The following NUP214 variants were observed in gnomAD, a reference collection of about 807,000 sequenced individuals.
NUP214 encodes nuclear pore complex protein Nup214.
In NUP214, 79 loss-of-function variants were observed where a neutral mutation model predicts 196.2. That is an observed-to-expected ratio of 0.40 (90% CI 0.34 to 0.49). The LOEUF (loss-of-function observed/expected upper bound fraction) is 0.49. Among genes scored for constraint, NUP214 ranks in the 20% least tolerant of loss-of-function variants. NUP214 has a pLI of 0.58. For synonymous variants in NUP214, 1,020 were observed against 990.5 expected (o/e 1.03, Z -0.56); for missense variants, 2,468 against 2,539.0 (o/e 0.97, Z 0.60).
intron 21 of NUP214, 193 bp downstream of exon 21, chr9:131,164,337 A>T (rs919600931): frequency 1.0e-5 from 6 of 594,692 alleles, no homozygotes; most frequent in Non-Finnish European, 1.8e-5. Context: ...GAATAGTGGA[A>T]TAAGAACCAG....
intron 22 of NUP214, 126 bp downstream of exon 22, chr9:131,174,444 T>TTA: frequency 1.9e-6 from 1 of 540,474 alleles, no homozygotes; most frequent in Non-Finnish European, 2.6e-6. Context: ...TTTTTTTTTT[T>TTA]TTCTTTTTTT....
chr9:131,208,885 C>T (rs182914248), intron 30 of NUP214, among the ~76,000 whole-genome samples: 75 of 142,366 alleles, frequency 5.3e-4, no homozygotes, highest in African/African-American at 1.9e-3. Flanking sequence ...TGGTGAAGCT[C>T]GCCGGTAGTC....
chr9:131,180,944 A>G lies in NUP214; in HGVS notation c.3419+2534A>G, dbSNP rs551993886. Among the ~76,000 whole-genome samples, 5 of 152,342 alleles carry G rather than the reference A, an allele frequency of 3.3e-5. No homozygotes were observed. The South Asian group carries it at 1.0e-3, about 32-fold the overall frequency. On this transcript the variant is annotated intron_variant, in intron 24 of 35. Coordinates refer to ENST00000359428, the MANE Select transcript of NUP214 (RefSeq NM_005085.4). ...GTTTTGTTGTTAACAAAATAGACCA[A>G]AAAAACTAACAGACTGATTGTTTGG... is the stretch of plus-strand genomic sequence containing the variant.
chr9:131,195,792 G>A, intron 28 of NUP214: 1 of 153,944 alleles, frequency 6.5e-6, no homozygotes, highest in Non-Finnish European at 1.4e-5. Context: ...TTGGGAGGCC[G>A]AGGCAGGCGG....
In NUP214 at chr9:131,163,829, C is replaced by G. The variant is rs372377469; in HGVS notation, c.2724-41C>G. 564 of 1,496,110 alleles carry G rather than the reference C, an allele frequency of 3.8e-4. 1 individual carries two copies. Among genetic ancestry groups the G allele is most frequent in the Non-Finnish European group, 5.0e-4 (536 of 1,076,050 alleles). 92.7% of individuals were successfully genotyped at this position (1,496,110 alleles called of 1,614,324 possible). ...GTACCCCCGACAGCCTCCGATCTTT[C>G]AGCTCCTAGTTGGTCTGTATCTAAC... is the stretch of plus-strand genomic sequence containing the variant. On this transcript the variant is annotated intron_variant, in intron 19 of 35. Transcript: ENST00000359428.
intron 24 of NUP214, among the ~76,000 whole-genome samples, chr9:131,186,033 A>G (rs1469583823): frequency 6.6e-6 from 1 of 151,886 alleles, no homozygotes; most frequent in East Asian, 1.9e-4. Context: ...TTCCTTTGTA[A>G]TCCTTGTGAG....
intron 27 of NUP214, chr9:131,193,772 C>T (rs1833693237): frequency 6.6e-6 from 1 of 150,714 alleles, no homozygotes; most frequent in South Asian, 2.1e-4. Context: ...TTGCCCTAGC[C>T]TCCCAAGTAG....
chr9:131,229,624 G>T (rs1834816703), intron 33 of NUP214: 1 of 462,944 alleles, frequency 2.2e-6, no homozygotes, highest in Non-Finnish European at 4.2e-6. Context: ...TGCCAGGTCA[G>T]TTATTAAATC....
At chr9:131,213,344 T>A (rs1473781493) in intron 30 of NUP214, among the ~76,000 whole-genome samples, 5 of 152,074 alleles carry the variant, frequency 3.3e-5, no homozygotes. Context: ...CCCAGCTAAT[T>A]TTGTATTTTT....
intron 16 of NUP214, among the ~76,000 whole-genome samples, chr9:131,151,100 A>G (rs539895733): frequency 1.2e-4 from 18 of 152,330 alleles, no homozygotes; most frequent in East Asian, 5.8e-4. Context: ...AAATTTTACT[A>G]TCTCAAATAG....
chr9:131,223,727 A>ATTTTTT (rs529624907), intron 32 of NUP214, among the ~76,000 whole-genome samples: 4 of 15,660 alleles, frequency 2.6e-4, no homozygotes, highest in African/African-American at 4.5e-4. Context: ...TTATTTATTT[A>ATTTTTT]TTTTTTTTTT....
intron 31 of NUP214, among the ~76,000 whole-genome samples, chr9:131,217,425 A>C (rs1834434744): frequency 6.6e-6 from 1 of 152,238 alleles, no homozygotes; most frequent in Non-Finnish European, 1.5e-5. Context: ...CCTGATAAGG[A>C]AAACAAAAGT....
At chr9:131,216,193 T>G (rs986065796) in intron 31 of NUP214, among the ~76,000 whole-genome samples, 12 of 151,076 alleles carry the variant, frequency 7.9e-5, no homozygotes, top group African/African-American at 2.9e-4. Flanking sequence ...CCCAGCCTTC[T>G]TTAGCTAATT....
In NUP214 at chr9:131,175,524, C is replaced by T. The variant is rs773918406; in HGVS notation, c.3222C>T (p.Thr1074=). The T allele has an allele frequency of 6.2e-6, 10 of 1,614,072 alleles. No individual in the cohort carries two copies. Among genetic ancestry groups the T allele is most frequent in the Middle Eastern group, 1.6e-4 (1 of 6,082 alleles). The change falls in exon 23 of 36, where the codon ACC becomes ACT. Residue 1074 remains threonine, a synonymous_variant. Transcript: ENST00000359428. The part of the protein sequence containing the change: ...GADSTMLATK[T]VKHGAPSPSH... Reference sequence around the variant, plus strand: ...ATAGCACAATGCTTGCCACGAAAACCGTGAAACATGGTGCACCTAGTCCTT... The same window carrying T: ...ATAGCACAATGCTTGCCACGAAAACTGTGAAACATGGTGCACCTAGTCCTT...
chr9:131,198,468 C>G lies in NUP214; in HGVS notation c.4974C>G (p.Asn1658Lys), dbSNP rs1175419558. 1 of 1,614,210 alleles carries G rather than the reference C, an allele frequency of 6.2e-7. No homozygotes were observed. Reference protein sequence around the residue: ...PPAASSSSAFNQLTNNTATAP... With the variant: ...PPAASSSSAFKQLTNNTATAP... The stretch of plus-strand genomic sequence containing the variant: ...CTGCCAGTTCTAGCTCAGCTTTCAA[C>G]CAGCTCACCAACAACACAGCCACTG... The change falls in exon 29 of 36, where the codon AAC becomes AAG. Residue 1658 changes from asparagine (N) to lysine (K), a missense_variant. Asn to Lys is a moderately conservative substitution (Grantham distance 94). Around this residue, in one of 5 missense-constraint regions of NUP214, gnomAD observed 1,801 missense variants for 1,779.4 expected, o/e 1.01. Coordinates refer to ENST00000359428, the MANE Select transcript of NUP214 (RefSeq NM_005085.4).
Position 131,152,453 on chromosome 9 carries a change from T to G in NUP214, c.2436+559T>G, listed in dbSNP as rs578150998. On this transcript the variant is annotated intron_variant, in intron 17 of 35. Transcript: ENST00000359428. ...CTTAAGCTTAATAGAGAATACTCTG[T>G]TGAAACATGTAAGTTGAATTATAAA... Among the ~76,000 whole-genome samples the G allele has an allele frequency of 2.0e-5, 3 of 152,020 alleles. No individual in the cohort carries two copies. The South Asian group carries it at 6.2e-4, about 32-fold the overall frequency.
chr9:131,155,395 T>C (rs1238478937), intron 17 of NUP214, among the ~76,000 whole-genome samples: 5 of 152,230 alleles, frequency 3.3e-5, no homozygotes, highest in African/African-American at 1.2e-4. Context: ...TATTAGTCCA[T>C]TGTCGAATGC....
Position 131,223,849 on chromosome 9 carries a change from G to A in NUP214, c.5902+919G>A, listed in dbSNP as rs555409100. 7.6e-3 allele frequency among the ~76,000 whole-genome samples: 1,114 copies of A among 146,056 alleles called. 13 individuals carry two copies. Among genetic ancestry groups the A allele is most frequent in the African/African-American group, 0.026 (1,044 of 39,570 alleles). ...TCCTGGGTTCACGCCATTCTCCTGC[G>A]TCAGCCTCCCAAGTAGCTGGGACTA... On this transcript the variant is annotated intron_variant, in intron 32 of 35. Transcript: ENST00000359428.
chr9:131,187,162 G>T, intron 24 of NUP214, 127 bp from the exon 25 acceptor site: 1 of 705,136 alleles, frequency 1.4e-6, no homozygotes, highest in Non-Finnish European at 2.5e-6. Context: ...AGTTGTATTG[G>T]GGTCCCATGC....
Sources: gnomAD v4.1 joint callset for allele counts (sites outside exome capture counted in the v4.1 genomes callset) on GRCh38, gnomAD v4.1.1 for gene constraint, gnomAD v4.1.1 regional missense constraint, MANE v1.5 for transcripts, NCBI Gene and HGNC (gene_info 2026-07-23, HGNC 2026-07-21) for gene names.